DNAH5: variants seen among roughly 807,000 people sequenced by gnomAD.
The protein encoded by DNAH5 is axonemal beta dynein heavy chain 5.
Under a neutral mutation model 518.2 loss-of-function variants are expected in DNAH5, and 372 were observed. The ratio of observed to expected loss-of-function variants is 0.72; its 90% CI spans 0.66 to 0.78. DNAH5 has a LOEUF of 0.78. DNAH5 is among the 30% of genes least tolerant of loss of function. The pLI is 0.00. For synonymous variants in DNAH5, 2,039 were observed against 2,025.9 expected (o/e 1.01, Z -0.17); for missense variants, 5,523 against 5,687.0 (o/e 0.97, Z 0.93).
chr5:13,824,263 T>C lies in DNAH5; in HGVS notation c.6515A>G (p.Asn2172Ser), dbSNP rs760155330. The C allele has an allele frequency of 9.9e-6, 16 of 1,614,138 alleles. 2 individuals are homozygous for C. The South Asian group carries it at 1.8e-4, about 18-fold the overall frequency. Residue 2172 changes from asparagine to serine, a missense_variant, in exon 39 of 79, where the codon AAT becomes AGT. Coordinates refer to ENST00000265104, the MANE Select transcript of DNAH5 (RefSeq NM_001369.3). Reference protein sequence around the residue: ...LRTLGAAKRANPMDTESTIVM... With the variant: ...LRTLGAAKRASPMDTESTIVM... The stretch of plus-strand genomic sequence containing the variant: ...AATCGTGGACTCCGTATCCATTGGA[T>C]TGGCTCTTTTTGCTGCTCCCAAGGT...
intron 12 of DNAH5, among the ~76,000 whole-genome samples, chr5:13,902,622 C>T (rs916273640): frequency 6.6e-6 from 1 of 152,208 alleles, no homozygotes; most frequent in African/African-American, 2.4e-5. Flanking sequence ...CAGCTACTCA[C>T]TTCTACCACT....
At chr5:13,958,306 G>A (rs1260197648) in intron 1 of DNAH5, among the ~76,000 whole-genome samples, 1 of 151,988 alleles carries the variant, frequency 6.6e-6, no homozygotes, top group Non-Finnish European at 1.5e-5. Flanking sequence ...TACAAATATG[G>A]TAGATGAGAA....
intron 52 of DNAH5, among the ~76,000 whole-genome samples, chr5:13,781,363 G>C (rs1755108359): frequency 6.6e-6 from 1 of 152,148 alleles, no homozygotes; most frequent in Non-Finnish European, 1.5e-5. Flanking sequence ...GGCATACAGG[G>C]CATCGTCGTT....
chr5:13,740,550 C>T (rs1447614868), intron 65 of DNAH5, among the ~76,000 whole-genome samples: 3 of 152,184 alleles, frequency 2.0e-5, no homozygotes. Context: ...GCATTAGGAT[C>T]ACCTGGAAGG....
chr5:13,734,570 A>G (rs1332256969), intron 68 of DNAH5, among the ~76,000 whole-genome samples: 6 of 152,202 alleles, frequency 3.9e-5, no homozygotes, highest in Admixed American at 2.6e-4. Flanking sequence ...TTTTATCTAC[A>G]TCACACCAGC....
intron 1 of DNAH5, among the ~76,000 whole-genome samples, chr5:13,977,769 G>C (rs950404741): frequency 6.6e-6 from 1 of 152,196 alleles, no homozygotes; most frequent in African/African-American, 2.4e-5. Context: ...ATCTGGACAT[G>C]AGAGATGAGC....
intron 1 of DNAH5, among the ~76,000 whole-genome samples, chr5:13,989,596 G>A (rs1478069239): frequency 1.3e-5 from 2 of 150,468 alleles, no homozygotes; most frequent in Non-Finnish European, 2.9e-5. Context: ...CCGTTCTCCT[G>A]CCTCAGCCTC....
At chr5:13,886,772 G>A (rs983842964) in intron 17 of DNAH5, among the ~76,000 whole-genome samples, 2 of 152,242 alleles carry the variant, frequency 1.3e-5, no homozygotes, top group African/African-American at 2.4e-5. Flanking sequence ...AAACTTATAC[G>A]GCTTGAAAAC....
rs535132761 is a variant in DNAH5 at position 13,842,701 on chromosome 5, G to A, written c.5272-797C>T. Reference sequence around the variant, plus strand: ...AGACGTGATCTACCAAAAAGCTAATGAGGCTTCAGTTTCAGGGCCCCTCAC... The same window carrying A: ...AGACGTGATCTACCAAAAAGCTAATAAGGCTTCAGTTTCAGGGCCCCTCAC... On this transcript the variant is annotated intron_variant, in intron 32 of 78. Coordinates refer to ENST00000265104, the MANE Select transcript of DNAH5 (RefSeq NM_001369.3). 5.8e-4 allele frequency among the ~76,000 whole-genome samples: 88 copies of A among 152,206 alleles called. 1 individual carries two copies. Among genetic ancestry groups the A allele is most frequent in the African/African-American group, 2.1e-3 (87 of 41,524 alleles).
chr5:13,762,461 C>T (rs1250705862), intron 60 of DNAH5, among the ~76,000 whole-genome samples: 2 of 152,046 alleles, frequency 1.3e-5, no homozygotes, highest in Non-Finnish European at 2.9e-5. Flanking sequence ...GGAAAAATAT[C>T]GAGCAGCCCA....
intron 32 of DNAH5, among the ~76,000 whole-genome samples, chr5:13,842,790 A>T (rs1166553375): frequency 1.3e-5 from 2 of 152,146 alleles, no homozygotes; most frequent in African/African-American, 4.8e-5. Flanking sequence ...AAGATTTAGC[A>T]CCCACACAAC....
At chr5:13,914,384 T>C in intron 10 of DNAH5, 136 bp downstream of exon 10, 2 of 1,107,136 alleles carry the variant, frequency 1.8e-6, no homozygotes, top group Non-Finnish European at 2.6e-6. Context: ...TATATTAACA[T>C]TCCATTTTCT....
At chr5:13,774,174 T>C (rs998647607) in intron 55 of DNAH5, among the ~76,000 whole-genome samples, 1 of 152,074 alleles carries the variant, frequency 6.6e-6, no homozygotes, top group African/African-American at 2.4e-5. Flanking sequence ...GTTGAAGAGA[T>C]CATTAGAAAG....
rs1756475401 is a variant in DNAH5 at position 13,788,723 on chromosome 5, T to A, written c.8640A>T (p.Glu2880Asp). The A allele has an allele frequency of 6.2e-7, 1 of 1,613,734 alleles. No individual in the cohort carries two copies. Residue 2880 changes from glutamate (E) to aspartate (D), a missense_variant, in exon 51 of 79, where the codon GAA (glutamate) becomes GAT (aspartate). This residue lies in a region of DNAH5 where 5,121 missense variants were observed against 5,223.3 expected (regional missense o/e 0.98). Coordinates refer to ENST00000265104, the MANE Select transcript of DNAH5 (RefSeq NM_001369.3). ...YFVDFLRDAP[E>D]AAGETSEEAD... ...TCCACTTCAATAGTTTACCTGCAGC[T>A]TCAGGTGCATCTCTCAAGAAATCCA... is the stretch of plus-strand genomic sequence containing the variant.
intron 47 of DNAH5, among the ~76,000 whole-genome samples, chr5:13,797,458 C>A (rs1758004074): frequency 6.6e-6 from 1 of 152,136 alleles, no homozygotes; most frequent in African/African-American, 2.4e-5. Context: ...AAAAAATGCT[C>A]ATCATCACTG....
chr5:13,807,455 T>C (rs1438042920), intron 47 of DNAH5, 136 bp downstream of exon 47: 3 of 771,756 alleles, frequency 3.9e-6, no homozygotes, highest in East Asian at 2.7e-5. Flanking sequence ...ATTGAAAGAA[T>C]GGAAGACGTA....
chr5:13,734,440 T>G (rs1747056686), intron 68 of DNAH5, among the ~76,000 whole-genome samples: 1 of 152,220 alleles, frequency 6.6e-6, no homozygotes. Flanking sequence ...CTGGGCTGTT[T>G]CGTTTGAATG....
intron 22 of DNAH5, among the ~76,000 whole-genome samples, chr5:13,872,113 T>C (rs749144330): frequency 1.3e-5 from 2 of 152,130 alleles, no homozygotes; most frequent in Admixed American, 6.5e-5. Context: ...GAAGGTGCTA[T>C]GAAAAACATA....
At chr5:13,923,188 G>A in intron 4 of DNAH5, 92 bp downstream of exon 4, 1 of 1,522,788 alleles carries the variant, frequency 6.6e-7, no homozygotes, top group Non-Finnish European at 9.1e-7. Context: ...ATACTGTAGT[G>A]AATACAATGA....
Sources: allele counts gnomAD v4.1 joint callset (sites outside exome capture counted in the v4.1 genomes callset), GRCh38; gene constraint gnomAD v4.1.1; regional missense constraint gnomAD v4.1.1; transcripts MANE v1.5; gene names NCBI Gene and HGNC (gene_info 2026-07-23, HGNC 2026-07-21).